The following REPS1 variants were observed in gnomAD, a reference collection of about 807,000 sequenced individuals.
REPS1 encodes the protein RALBP1 associated Eps domain containing 1.
In REPS1, 39 loss-of-function variants were observed where a neutral mutation model predicts 100.9. That is an observed-to-expected ratio of 0.39 (90% CI 0.30 to 0.50). REPS1 has a LOEUF of 0.50. REPS1 is among the 20% of genes least tolerant of loss of function. The pLI is 0.86. For missense variants in REPS1, 821 were observed against 968.5 expected, an observed-to-expected ratio of 0.85 and a Z score of 2.02; for synonymous variants, 324 against 340.3, an observed-to-expected ratio of 0.95 and a Z score of 0.53.
At chr6:138,940,573 T>G (rs908083915) in intron 8 of REPS1, among the ~76,000 whole-genome samples, 26 of 151,754 alleles carry the variant, frequency 1.7e-4, no homozygotes, top group Non-Finnish European at 1.6e-4. Context: ...GGTGAAACCC[T>G]ATCTCTACTA....
At chr6:138,944,052 C>A in intron 5 of REPS1, 37 bp from the exon 6 acceptor site, 2 of 1,591,368 alleles carry the variant, frequency 1.3e-6, no homozygotes, top group Non-Finnish European at 1.7e-6. Context: ...ACAATATCTA[C>A]CTACATGATT....
Position 138,914,775 on chromosome 6 carries a change from A to T in REPS1, c.1721-14T>A, listed in dbSNP as rs765922010. ...CCTGTTGTTGTCCTGCATGAATACA[A>T]AAGTTCTTCTTTTTAGTAACTGTAT... On this transcript the variant is annotated splice_polypyrimidine_tract_variant and intron_variant, in intron 14 of 19. Coordinates refer to ENST00000450536, the MANE Select transcript of REPS1 (RefSeq NM_001286611.2). The T allele has an allele frequency of 3.7e-6, 6 of 1,607,404 alleles. No homozygotes were observed. The highest frequency in any genetic ancestry group is 5.1e-6 in the Non-Finnish European group (6 of 1,177,970).
At chr6:138,968,080 G>A (rs1784117137) in intron 1 of REPS1, among the ~76,000 whole-genome samples, 1 of 152,156 alleles carries the variant, frequency 6.6e-6, no homozygotes, top group South Asian at 2.1e-4. Flanking sequence ...CTTATGATGG[G>A]TTTACTGGAA....
chr6:138,945,294 G>A lies in REPS1; in HGVS notation c.553C>T (p.Pro185Ser), dbSNP rs1334303737. The change falls in exon 4 of 20, where the codon CCC (proline) becomes TCC (serine). Residue 185 changes from proline (P) to serine (S), a missense_variant. This residue lies in a region of REPS1 where 757 missense variants were observed against 866.4 expected (regional missense o/e 0.87). Coordinates refer to ENST00000450536, the MANE Select transcript of REPS1 (RefSeq NM_001286611.2). Reference protein sequence around the residue: ...PHTWRKHSRHPSGGNSERPLA... With the variant: ...PHTWRKHSRHSSGGNSERPLA... Reference sequence around the variant, plus strand: ...GGCCTCTCACTATTCCCACCGCTGGGATGACGGCTGTGCTTCCTCCATGTG... The same window carrying A: ...GGCCTCTCACTATTCCCACCGCTGGAATGACGGCTGTGCTTCCTCCATGTG... The A allele has an allele frequency of 9.9e-6, 16 of 1,611,910 alleles. No individual in the cohort carries two copies. Among genetic ancestry groups the A allele is most frequent in the Admixed American group, 5.0e-5 (3 of 59,888 alleles).
rs374427837 is a variant in REPS1, at chr6:138,963,881, C to A, written c.154-15968G>T. On this transcript the variant is annotated intron_variant, in intron 1 of 19. Transcript: ENST00000450536. ...CAACAAACAAGAGGGTAATTCATATCTATTACTGTATTCATAAGCCATGTA... is the reference window on the plus strand; with the variant it reads ...CAACAAACAAGAGGGTAATTCATATATATTACTGTATTCATAAGCCATGTA... 2.0e-5 allele frequency among the ~76,000 whole-genome samples: 3 copies of A among 152,308 alleles called. 1 individual carries two copies.
In REPS1 at chr6:138,941,218, T is replaced by C. The variant is rs1432047049; in HGVS notation, c.1135+117A>G. On this transcript the variant is annotated intron_variant, in intron 8 of 19. Transcript: ENST00000450536. The stretch of plus-strand genomic sequence containing the variant: ...ATTCTGATGACAAATCTATGTACAC[T>C]TGATGAAATATCTAAGCTATTAAGC... 1.2e-5 allele frequency: 13 copies of C among 1,086,032 alleles called. 1 individual carries two copies. The highest frequency in any genetic ancestry group is 6.1e-5 in the South Asian group (4 of 65,560). The allele number at this position is 1,086,032 out of a possible 1,614,324, so 67.3% of individuals were successfully genotyped here.
chr6:138,910,111 A>T (rs1457276047), intron 17 of REPS1, among the ~76,000 whole-genome samples: 1 of 152,118 alleles, frequency 6.6e-6, no homozygotes, highest in Non-Finnish European at 1.5e-5. Context: ...TGGGTCATGG[A>T]GATAGATCCC....
Position 138,982,299 on chromosome 6 carries a change from T to G in REPS1, c.153+5231A>C, listed in dbSNP as rs185214372. 1.3e-3 allele frequency among the ~76,000 whole-genome samples: 196 copies of G among 152,338 alleles called. 1 individual carries two copies. The highest frequency in any genetic ancestry group is 1.4e-3 in the Non-Finnish European group (96 of 68,020). ...CTGTTATTGCTTTTCCCCATTAAATTTATGTGTTATGCAAATATTCTAACA... is the reference window on the plus strand; with the variant it reads ...CTGTTATTGCTTTTCCCCATTAAATGTATGTGTTATGCAAATATTCTAACA... On this transcript the variant is annotated intron_variant, in intron 1 of 19. Transcript: ENST00000450536.
intron 1 of REPS1, among the ~76,000 whole-genome samples, chr6:138,950,690 A>C (rs918342215): frequency 1.3e-5 from 2 of 152,056 alleles, no homozygotes; most frequent in Admixed American, 1.3e-4. Context: ...TCCACCCCTC[A>C]ATTTTTTTGC....
chr6:138,937,573 G>T (rs1003967536), intron 8 of REPS1, among the ~76,000 whole-genome samples: 1 of 152,108 alleles, frequency 6.6e-6, no homozygotes, highest in African/African-American at 2.4e-5. Context: ...TCCATGCAAC[G>T]CACCCTAACA....
At chr6:138,967,119 A>G (rs1408766048) in intron 1 of REPS1, among the ~76,000 whole-genome samples, 2 of 152,246 alleles carry the variant, frequency 1.3e-5, no homozygotes, top group Non-Finnish European at 1.5e-5. Context: ...TGCGCATGCA[A>G]TTGTGCTCTC....
chr6:138,932,097 C>T lies in REPS1; in HGVS notation c.1136-1999G>A, dbSNP rs142895465. 4.5e-3 allele frequency among the ~76,000 whole-genome samples: 687 copies of T among 152,190 alleles called. 5 individuals are homozygous for T. The highest frequency in any genetic ancestry group is 0.016 in the African/African-American group (666 of 41,496). On this transcript the variant is annotated intron_variant, in intron 8 of 19. Transcript: ENST00000450536. ...ATTTCTTCTACTGACAAATTTAGGG[C>T]CAAGCTGTACCACACCCCCACCTCA...
intron 1 of REPS1, among the ~76,000 whole-genome samples, chr6:138,956,586 G>C (rs114510710): frequency 6.6e-6 from 1 of 151,994 alleles, no homozygotes; most frequent in African/African-American, 2.4e-5. Flanking sequence ...AGAACTTACC[G>C]ATCCCAATTA....
intron 8 of REPS1, chr6:138,934,341 C>T: frequency 2.1e-6 from 1 of 470,778 alleles, no homozygotes; most frequent in Non-Finnish European, 4.4e-6. Flanking sequence ...AAAAGAAGAG[C>T]ATGAGCCTAA....
intron 8 of REPS1, among the ~76,000 whole-genome samples, chr6:138,933,388 T>A (rs973701688): frequency 1.2e-4 from 18 of 152,374 alleles, no homozygotes; most frequent in Admixed American, 1.2e-3. Context: ...TGTGTTCTAA[T>A]ACAATTTTTA....
rs1190810227 is a variant in REPS1, at chr6:138,908,884, C to G, written c.2068-68G>C. On this transcript the variant is annotated intron_variant, in intron 17 of 19. Transcript: ENST00000450536. ...CATTCATAGTTAGCACTTTGCAACA[C>G]CATTTGCTTTCTTTAAGCCATTTGC... The G allele has an allele frequency of 2.8e-5, 40 of 1,443,052 alleles. 1 individual carries two copies. In the South Asian group the frequency reaches 5.1e-4, roughly 19 times the overall value. 89.4% of individuals were successfully genotyped at this position (1,443,052 alleles called of 1,614,324 possible).
chr6:138,952,779 A>T (rs1783118558), intron 1 of REPS1, among the ~76,000 whole-genome samples: 1 of 152,068 alleles, frequency 6.6e-6, no homozygotes, highest in South Asian at 2.1e-4. Flanking sequence ...CAGTGCTGGG[A>T]AAACTGGATA....
intron 1 of REPS1, among the ~76,000 whole-genome samples, chr6:138,962,645 C>T (rs530672202): frequency 2.0e-5 from 3 of 152,264 alleles, no homozygotes; most frequent in Non-Finnish European, 4.4e-5. Context: ...CTGCTTCACA[C>T]TTGCTGTATC....
At chr6:138,984,076 CTCTT>C (rs886336734) in intron 1 of REPS1, among the ~76,000 whole-genome samples, 4 of 148,750 alleles carry the variant, frequency 2.7e-5, no homozygotes, top group South Asian at 2.1e-4. Context: ...CTCTCTCTCT[CTCTT>C]TTTTTTTTTT....
Sources: allele counts gnomAD v4.1 joint callset (sites outside exome capture counted in the v4.1 genomes callset), GRCh38; gene constraint gnomAD v4.1.1; regional missense constraint gnomAD v4.1.1; transcripts MANE v1.5; gene names NCBI Gene and HGNC (gene_info 2026-07-23, HGNC 2026-07-21).